RAVER1: variants seen among roughly 807,000 people sequenced by gnomAD.
RAVER1 encodes the protein ribonucleoprotein, PTB binding 1, also known as ribonucleoprotein PTB-binding 1.
A neutral mutation model predicts 68.4 loss-of-function variants in RAVER1; 36 were observed. The ratio of observed to expected loss-of-function variants is 0.53; its 90% CI spans 0.40 to 0.70. The LOEUF (loss-of-function observed/expected upper bound fraction) is 0.70, where lower values mean the gene tolerates loss of function less well. RAVER1 is among the 30% of genes least tolerant of loss of function. The pLI, the probability that RAVER1 is intolerant of heterozygous loss-of-function variation, is 0.00. For missense variants in RAVER1, 933 were observed against 1,019.8 expected, an observed-to-expected ratio of 0.91 and a Z score of 1.16; for synonymous variants, 469 against 472.7, an observed-to-expected ratio of 0.99 and a Z score of 0.10.
rs757622037 is a variant in RAVER1 at position 10,323,468 on chromosome 19, C to T, written c.855G>A (p.Leu285=). 3 of 1,609,718 alleles carry T rather than the reference C, an allele frequency of 1.9e-6. No homozygotes were observed. The highest frequency in any genetic ancestry group is 1.1e-5 in the South Asian group (1 of 91,018). Residue 285 remains leucine (L), a synonymous_variant, in exon 4 of 13, where the codon CTG becomes CTA. Transcript: ENST00000617231. The surrounding 1 kb of genome is among the most constrained non-coding windows in gnomAD (Gnocchi z 6.2). ...CTCGCAGGTGGCTGCCCCCCAGGGACAGGCCGTCCGCCTGCTGCTGTGCCT... is the reference window on the plus strand; with the variant it reads ...CTCGCAGGTGGCTGCCCCCCAGGGATAGGCCGTCCGCCTGCTGCTGTGCCT... The part of the protein sequence containing the change: ...AEEAQQQADG[L]SLGGSHLRVS...
At position 10,333,298 on chromosome 19, in the gene RAVER1, C is replaced by T. The variant is rs1250366784; in HGVS notation, c.210G>A (p.Val70=). 5.6e-6 allele frequency: 9 copies of T among 1,613,606 alleles called. No homozygotes were observed. The highest frequency in any genetic ancestry group is 1.7e-4 in the Middle Eastern group (1 of 6,048). ...KILIRGLPGD[V]TNQEVHDLLS... is the part of the protein sequence containing the mutation. ...CCGCCCCCCCCAATACCTGGTTGGT[C>T]ACGTCCCCCGGGAGGCCCCGGATCA... The change falls in exon 1 of 13, where the codon GTG becomes GTA. Residue 70 remains valine, a synonymous_variant. Transcript: ENST00000617231. This position sits in a 1 kb window ranked among gnomAD's most constrained non-coding sequence, Gnocchi z 4.2.
At chr19:10,330,138 A>G in intron 2 of RAVER1, among the ~76,000 whole-genome samples, 1 of 151,752 alleles carries the variant, frequency 6.6e-6, no homozygotes, top group African/African-American at 2.4e-5. Flanking sequence ...AAAAAAAAAA[A>G]GACCACACAA....
chr19:10,326,323 G>A (rs1363051824), intron 3 of RAVER1, among the ~76,000 whole-genome samples: 4 of 152,232 alleles, frequency 2.6e-5, no homozygotes, highest in South Asian at 2.1e-4. Context: ...TCCTGAGCCC[G>A]CACAGGCGGC....
At position 10,317,870 on chromosome 19, in the gene RAVER1, G is replaced by A. The variant is rs2040404639; in HGVS notation, c.1990-97C>T. ...CACTGCCCCCCAGCCCTGAGGGAAA[G>A]CGAACAGTTTCAGGTTCAAATCTTG... On this transcript the variant is annotated intron_variant, in intron 11 of 12. Coordinates refer to ENST00000617231, the MANE Select transcript of RAVER1 (RefSeq NM_133452.3). This position sits in a 1 kb window ranked among gnomAD's most constrained non-coding sequence, Gnocchi z 4.3. 1.3e-6 allele frequency: 1 copy of A among 745,240 alleles called. No individual in the cohort carries two copies. Among genetic ancestry groups the A allele is most frequent in the Admixed American group, 2.4e-5 (1 of 42,316 alleles). 46.2% of individuals were successfully genotyped at this position (745,240 alleles called of 1,614,324 possible).
In RAVER1 at chr19:10,322,843, CTG is replaced by C; in HGVS notation, c.1079-106_1079-105del. ...ATTGATGGGGCAGGAAACTGACACT[CTG>C]GGGCCGGGGGGTGGGCAGTGGACTT... is the stretch of plus-strand genomic sequence containing the variant. On this transcript the variant is annotated intron_variant, in intron 5 of 12. Transcript: ENST00000617231. The surrounding 1 kb of genome is among the most constrained non-coding windows in gnomAD (Gnocchi z 4.3). 1 of 658,716 alleles carries C rather than the reference CTG, an allele frequency of 1.5e-6. No homozygotes were observed. 40.8% of individuals were successfully genotyped at this position (658,716 alleles called of 1,614,324 possible). A position where few individuals can be genotyped will look rare whatever the true frequency, so the allele number is the denominator to read the frequency against.
rs183563911 is a variant in RAVER1, at chr19:10,317,954, C to T, written c.1990-181G>A. ...CAATTGCTCCATTTTATTTGAGCCT[C>T]GGTTTTCTCATCTGTCAGATGGGGC... On this transcript the variant is annotated intron_variant, in intron 11 of 12. Coordinates refer to ENST00000617231, the MANE Select transcript of RAVER1 (RefSeq NM_133452.3). The surrounding 1 kb of genome is among the most constrained non-coding windows in gnomAD (Gnocchi z 4.3). 3.2e-3 allele frequency among the ~76,000 whole-genome samples: 480 copies of T among 152,218 alleles called. 6 individuals carry two copies. Among genetic ancestry groups the T allele is most frequent in the Non-Finnish European group, 3.8e-3 (258 of 68,012 alleles).
chr19:10,333,469 C>T lies in RAVER1; in HGVS notation c.39G>A (p.Leu13=), dbSNP rs780831410. The change falls in exon 1 of 13, where the codon CTG becomes CTA. Residue 13 remains leucine, a synonymous_variant. Coordinates refer to ENST00000617231, the MANE Select transcript of RAVER1 (RefSeq NM_133452.3). The surrounding 1 kb of genome is among the most constrained non-coding windows in gnomAD (Gnocchi z 4.2). ...CGACTTCGGCCCCAGACTTAGGGCT[C>T]AGCGGGGGCCGGTGAGTAACGGACA... ...ADVSVTHRPP[L]SPKSGAEVEA... is the part of the protein sequence containing the mutation. The T allele has an allele frequency of 6.2e-7, 1 of 1,610,770 alleles. No homozygotes were observed. The highest frequency in any genetic ancestry group is 2.2e-5 in the East Asian group (1 of 44,876).
Position 10,321,149 on chromosome 19 carries a change from G to C in RAVER1, c.1372C>G (p.Pro458Ala). Reference sequence around the variant, plus strand: ...GGGGGAGGAGTGAGCTGGGCCGCTGGGGGACCCAAGCCCAGGGCCTCCCGG... The same window carrying C: ...GGGGGAGGAGTGAGCTGGGCCGCTGCGGGACCCAAGCCCAGGGCCTCCCGG... The part of the protein sequence containing the change: ...GDREALGLGP[P>A]AAQLTPPPAP... The change falls in exon 8 of 13, where the codon CCA becomes GCA. Residue 458 changes from proline to alanine, a missense_variant. Pro to Ala is a conservative substitution (Grantham distance 27). This residue lies in a region of RAVER1 where 699 missense variants were observed against 731.1 expected (regional missense o/e 0.96). Transcript: ENST00000617231. 1.6e-6 allele frequency: 2 copies of C among 1,287,806 alleles called. No individual in the cohort carries two copies. The highest frequency in any genetic ancestry group is 2.8e-5 in the South Asian group (1 of 35,630). 79.8% of individuals were successfully genotyped at this position (1,287,806 alleles called of 1,614,324 possible).
intron 9 of RAVER1, among the ~76,000 whole-genome samples, chr19:10,320,398 G>A (rs1055733054): frequency 3.3e-5 from 5 of 151,618 alleles, no homozygotes; most frequent in African/African-American, 1.2e-4. Context: ...CAGCTCCTCA[G>A]GAGACTGAGG....
At position 10,333,349 on chromosome 19, in the gene RAVER1, G is replaced by A. The variant is rs754323996; in HGVS notation, c.159C>T (p.Arg53=). The A allele has an allele frequency of 6.2e-6, 10 of 1,613,908 alleles. No individual in the cohort carries two copies. In the Admixed American group the frequency reaches 6.7e-5, roughly 11 times the overall value. The change falls in exon 1 of 13, where the codon CGC becomes CGT. Residue 53 remains arginine, a synonymous_variant. Transcript: ENST00000617231. This position sits in a 1 kb window ranked among gnomAD's most constrained non-coding sequence, Gnocchi z 4.2. ...GTATCTTGCGGCGGTTACGGAACTGGCGCTCGGTGTGTTCCAGGCGTTTCC... is the reference window on the plus strand; with the variant it reads ...GTATCTTGCGGCGGTTACGGAACTGACGCTCGGTGTGTTCCAGGCGTTTCC... ...EIRKRLEHTE[R]QFRNRRKILI...
Position 10,330,516 on chromosome 19 carries a change from T to G in RAVER1, c.230A>C (p.Asp77Ala). Residue 77 changes from aspartate (D) to alanine (A), a missense_variant, in exon 2 of 13, where the codon GAC becomes GCC. Asp to Ala is a moderately radical substitution (Grantham distance 126). Coordinates refer to ENST00000617231, the MANE Select transcript of RAVER1 (RefSeq NM_133452.3). ...PGDVTNQEVH[D>A]LLSDYELKYC... ...TTTGAGCTCATAGTCACTGAGCAGG[T>G]CATGTACTTCCTGTGGAGATACAAG... is the stretch of plus-strand genomic sequence containing the variant. 3 of 1,492,340 alleles carry G rather than the reference T, an allele frequency of 2.0e-6. No individual in the cohort carries two copies. The highest frequency in any genetic ancestry group is 2.8e-6 in the Non-Finnish European group (3 of 1,086,184). 92.4% of individuals were successfully genotyped at this position (1,492,340 alleles called of 1,614,324 possible). A position where few individuals can be genotyped will look rare whatever the true frequency, so the allele number is the denominator to read the frequency against.
rs773390002 is a variant in RAVER1 at position 10,323,158 on chromosome 19, C to T, written c.1065G>A (p.Ala355=). ...LLLNPLLHGS[A]GGKQGLLGAP... is the part of the protein sequence containing the mutation. ...GCCCCACCTTACCCTGCTTCCCCCC[C>T]GCACTGCCATGGAGCAGGGGGTTGA... Residue 355 remains alanine (A), a synonymous_variant, in exon 5 of 13, where the codon GCG becomes GCA. Transcript: ENST00000617231. This position sits in a 1 kb window ranked among gnomAD's most constrained non-coding sequence, Gnocchi z 6.2. 1.0e-4 allele frequency: 167 copies of T among 1,602,816 alleles called. No individual in the cohort carries two copies. In the Admixed American group the frequency reaches 1.9e-3, roughly 19 times the overall value.
At chr19:10,319,088 C>G (rs2040415514) in intron 10 of RAVER1, 78 bp downstream of exon 10, 2 of 1,341,134 alleles carry the variant, frequency 1.5e-6, no homozygotes, top group Admixed American at 1.8e-5. Flanking sequence ...GTCTGCTGTT[C>G]CAGGCTACTA....
intron 9 of RAVER1, among the ~76,000 whole-genome samples, chr19:10,319,892 G>A (rs1026057420): frequency 6.6e-5 from 10 of 151,478 alleles, no homozygotes; most frequent in Non-Finnish European, 8.8e-5. Flanking sequence ...TGCCCGCCTC[G>A]GCCTCCCAAA....
chr19:10,324,867 C>G lies in RAVER1; in HGVS notation c.757-1301G>C, dbSNP rs572180251. ...CTCCTCGGAGGACATCACTTCAACG[C>G]CTGCTACTCATCAGATGCTCAACAA... is the stretch of plus-strand genomic sequence containing the variant. On this transcript the variant is annotated intron_variant, in intron 3 of 12. Transcript: ENST00000617231. 2.0e-5 allele frequency among the ~76,000 whole-genome samples: 3 copies of G among 152,296 alleles called. No homozygotes were observed. The South Asian group carries it at 6.2e-4, about 32-fold the overall frequency.
chr19:10,329,237 A>C lies in RAVER1; in HGVS notation c.287-126T>G, dbSNP rs918309640. On this transcript the variant is annotated intron_variant, in intron 2 of 12. Transcript: ENST00000617231. The surrounding 1 kb of genome is among the most constrained non-coding windows in gnomAD (Gnocchi z 4.6). ...ATCTCAGGTGCCTGCTGATCTGAGC[A>C]GTTGCCAGCCTTGGCGACTCACACA... 4 of 641,726 alleles carry C rather than the reference A, an allele frequency of 6.2e-6. No individual in the cohort carries two copies. In the Admixed American group the frequency reaches 9.8e-5, roughly 16 times the overall value. 39.8% of individuals were successfully genotyped at this position (641,726 alleles called of 1,614,324 possible). A position where few individuals can be genotyped will look rare whatever the true frequency, so the allele number is the denominator to read the frequency against.
In RAVER1 at chr19:10,323,610, G is replaced by T; in HGVS notation, c.757-44C>A. ...CAGTCATGAGCATCTGGGCAGCAGT[G>T]ACTGCACCACCCCGGGAAGTGACAA... On this transcript the variant is annotated intron_variant, in intron 3 of 12. Transcript: ENST00000617231. This position sits in a 1 kb window ranked among gnomAD's most constrained non-coding sequence, Gnocchi z 6.2. 1 of 1,538,402 alleles carries T rather than the reference G, an allele frequency of 6.5e-7. No individual in the cohort carries two copies. Among genetic ancestry groups the T allele is most frequent in the South Asian group, 1.2e-5 (1 of 83,474 alleles).
rs1179968227 is a variant in RAVER1 at position 10,329,278 on chromosome 19, C to G, written c.287-167G>C. On this transcript the variant is annotated intron_variant, in intron 2 of 12. Coordinates refer to ENST00000617231, the MANE Select transcript of RAVER1 (RefSeq NM_133452.3). The surrounding 1 kb of genome is among the most constrained non-coding windows in gnomAD (Gnocchi z 4.6). ...GACTCACACAGGCGAGAGCGCCTGC[C>G]ATTGACTCTAGGCTCCACGAAGCCC... Among the ~76,000 whole-genome samples, 2 of 152,222 alleles carry G rather than the reference C, an allele frequency of 1.3e-5. No homozygotes were observed. The highest frequency in any genetic ancestry group is 2.9e-5 in the Non-Finnish European group (2 of 68,036).
chr19:10,320,965 G>C lies in RAVER1; in HGVS notation c.1474-14C>G. On this transcript the variant is annotated splice_polypyrimidine_tract_variant and intron_variant, in intron 8 of 12. Transcript: ENST00000617231. Reference sequence around the variant, plus strand: ...CAGCAGTGAGACCTGTGGCGGGAAGGCAGGATTCGAGAGGGCCCCCGGGAG... The same window carrying C: ...CAGCAGTGAGACCTGTGGCGGGAAGCCAGGATTCGAGAGGGCCCCCGGGAG... 6.7e-7 allele frequency: 1 copy of C among 1,490,740 alleles called. No homozygotes were observed. Among genetic ancestry groups the C allele is most frequent in the East Asian group, 2.6e-5 (1 of 39,162 alleles). The allele number at this position is 1,490,740 out of a possible 1,614,324, so 92.3% of individuals were successfully genotyped here.
Sources: gnomAD v4.1 joint callset for allele counts (sites outside exome capture counted in the v4.1 genomes callset) on GRCh38, gnomAD v4.1.1 for gene constraint, gnomAD v4.1.1 regional missense constraint, Gnocchi (gnomAD v3.1) non-coding constraint, MANE v1.5 for transcripts, NCBI Gene and HGNC (gene_info 2026-07-23, HGNC 2026-07-21) for gene names.